Variants in LGR5 observed in about 807,000 individuals in gnomAD.
The protein encoded by LGR5 is leucine-rich repeat-containing G protein-coupled receptor 5.
In LGR5, 54 loss-of-function variants were observed where a neutral mutation model predicts 76.7. The ratio of observed to expected loss-of-function variants is 0.70; its 90% CI spans 0.57 to 0.88. The LOEUF (loss-of-function observed/expected upper bound fraction) is 0.88. Ranked by LOEUF, LGR5 falls within the 40% of genes least tolerant of loss-of-function variation. LGR5 has a pLI of 0.00. For missense variants in LGR5, 1,078 were observed against 1,073.3 expected (o/e 1.00, Z -0.06); for synonymous variants, 406 against 421.9 (o/e 0.96, Z 0.46).
chr12:71,484,489 TA>T (rs1186284765), intron 1 of LGR5, among the ~76,000 whole-genome samples: 1 of 152,222 alleles, frequency 6.6e-6, no homozygotes, highest in Non-Finnish European at 1.5e-5. Context: ...GCTATGGATT[TA>T]AAACCGAAAC....
rs1879138106 is a variant in LGR5 at position 71,582,553 on chromosome 12, C to A, written c.1636+14C>A. 3.1e-6 allele frequency: 5 copies of A among 1,593,584 alleles called. No individual in the cohort carries two copies. Among genetic ancestry groups the A allele is most frequent in the African/African-American group, 1.3e-5 (1 of 74,664 alleles). On this transcript the variant is annotated intron_variant, in intron 17 of 17. Coordinates refer to ENST00000266674, the MANE Select transcript of LGR5 (RefSeq NM_003667.4). ...CACCTTCCCCAGGTGAGAAAGGCAT[C>A]AAAAATTCCTCAACGGCAGTATCCA...
Position 71,482,055 on chromosome 12 carries a change from T to TG in LGR5, c.213-22555dup, listed in dbSNP as rs1284490110. The stretch of plus-strand genomic sequence containing the variant: ...AGAGATTTATGGTATAAAAGGAAAG[T>TG]GGGGAGGGAAGGTACTTCAGATTCC... On this transcript the variant is annotated intron_variant, in intron 1 of 17. Transcript: ENST00000266674. Among the ~76,000 whole-genome samples, 5 of 152,136 alleles carry TG rather than the reference T, an allele frequency of 3.3e-5. No individual in the cohort carries two copies. In the South Asian group the frequency reaches 8.3e-4, roughly 25 times the overall value.
At chr12:71,561,433 G>A (rs1394609474) in intron 7 of LGR5, among the ~76,000 whole-genome samples, 1 of 152,200 alleles carries the variant, frequency 6.6e-6, no homozygotes, top group Non-Finnish European at 1.5e-5. Flanking sequence ...GTCAGTAGGA[G>A]TGATCATAAT....
chr12:71,548,042 C>A (rs2137398385), intron 4 of LGR5, among the ~76,000 whole-genome samples: 1 of 152,270 alleles, frequency 6.6e-6, no homozygotes, highest in African/African-American at 2.4e-5. Flanking sequence ...TTTCAGATGG[C>A]ATTTCAAGAT....
At chr12:71,439,700 G>C (rs1037847115), upstream of LGR5, 36 of 212,358 alleles carry the variant, frequency 1.7e-4, no homozygotes, top group Middle Eastern at 1.7e-3. Context: ...AAGTGGGGCC[G>C]GGCGGGGGGT....
chr12:71,528,550 G>C (rs534737322), intron 3 of LGR5, among the ~76,000 whole-genome samples: 3 of 152,118 alleles, frequency 2.0e-5, no homozygotes, highest in Non-Finnish European at 4.4e-5. Flanking sequence ...TATAGCCATG[G>C]AAATGTGCAA....
intron 2 of LGR5, among the ~76,000 whole-genome samples, chr12:71,510,917 C>T (rs1207792819): frequency 3.9e-5 from 6 of 151,944 alleles, no homozygotes; most frequent in African/African-American, 1.5e-4. Context: ...CAAAAAAAAT[C>T]AGTATGGCTG....
At chr12:71,530,604 G>A (rs904224194) in intron 3 of LGR5, among the ~76,000 whole-genome samples, 4 of 151,986 alleles carry the variant, frequency 2.6e-5, no homozygotes, top group Non-Finnish European at 1.5e-5. Flanking sequence ...GTAAATATTG[G>A]CCCTAATAAA....
At chr12:71,570,088 G>T (rs886382625) in intron 11 of LGR5, among the ~76,000 whole-genome samples, 1 of 152,110 alleles carries the variant, frequency 6.6e-6, no homozygotes, top group Non-Finnish European at 1.5e-5. Flanking sequence ...GTTCTCACTT[G>T]CAAGTGGGAG....
intron 2 of LGR5, among the ~76,000 whole-genome samples, chr12:71,514,440 C>G (rs1409729645): frequency 6.6e-6 from 1 of 151,674 alleles, no homozygotes; most frequent in Admixed American, 6.6e-5. Flanking sequence ...TGGTGGCGGG[C>G]GCCTGTAGTC....
chr12:71,566,833 T>C lies in LGR5; in HGVS notation c.999-8T>C. The C allele has an allele frequency of 6.2e-7, 1 of 1,613,002 alleles. No homozygotes were observed. The highest frequency in any genetic ancestry group is 8.5e-7 in the Non-Finnish European group (1 of 1,178,994). The stretch of plus-strand genomic sequence containing the variant: ...TGAAAGAATTATGTCTGGTTTGTGT[T>C]TTAACAGGACTTTAACTGGAGCACA... On this transcript the variant is annotated splice_region_variant and splice_polypyrimidine_tract_variant and intron_variant, in intron 10 of 17. Coordinates refer to ENST00000266674, the MANE Select transcript of LGR5 (RefSeq NM_003667.4).
intron 3 of LGR5, among the ~76,000 whole-genome samples, chr12:71,528,470 A>G (rs764932353): frequency 6.6e-6 from 1 of 152,168 alleles, no homozygotes; most frequent in African/African-American, 2.4e-5. Flanking sequence ...CAAAAAATAT[A>G]TAAATAAAAT....
intron 2 of LGR5, among the ~76,000 whole-genome samples, chr12:71,513,638 C>T: frequency 6.6e-6 from 1 of 151,506 alleles, no homozygotes; most frequent in South Asian, 2.1e-4. Flanking sequence ...AGCATCATGC[C>T]CATAAAGTAC....
At chr12:71,552,999 A>G in intron 4 of LGR5, 74 bp from the exon 5 acceptor site, 1 of 1,356,996 alleles carries the variant, frequency 7.4e-7, no homozygotes, top group Non-Finnish European at 1.0e-6. Context: ...ATGCATGGGG[A>G]GGGTTTTCCT....
Position 71,504,609 on chromosome 12 carries a change from C to G in LGR5, c.213-5C>G, listed in dbSNP as rs370969422. On this transcript the variant is annotated splice_region_variant and splice_polypyrimidine_tract_variant and intron_variant, in intron 1 of 17. Coordinates refer to ENST00000266674, the MANE Select transcript of LGR5 (RefSeq NM_003667.4). ...TCCTCACACGCTGTCTGTTTTCCCC[C>G]CCAGAGACCTCAGTATGAACAACAT... 1.6e-5 allele frequency: 26 copies of G among 1,613,740 alleles called. No homozygotes were observed. The highest frequency in any genetic ancestry group is 2.2e-5 in the East Asian group (1 of 44,886).
At chr12:71,458,998 A>C (rs1305881977) in intron 1 of LGR5, among the ~76,000 whole-genome samples, 3 of 152,062 alleles carry the variant, frequency 2.0e-5, no homozygotes, top group Non-Finnish European at 4.4e-5. Flanking sequence ...AGGAAAGGAG[A>C]GGGAAGGAGT....
chr12:71,450,267 T>C (rs529328987), intron 1 of LGR5, among the ~76,000 whole-genome samples: 2 of 152,326 alleles, frequency 1.3e-5, no homozygotes, highest in South Asian at 2.1e-4. Context: ...AAATAGCCCG[T>C]TGTTTACACA....
intron 1 of LGR5, among the ~76,000 whole-genome samples, chr12:71,501,797 G>A (rs1874619045): frequency 6.6e-6 from 1 of 152,112 alleles, no homozygotes; most frequent in African/African-American, 2.4e-5. Flanking sequence ...TAAGTCCACA[G>A]CAAATTAGAA....
At chr12:71,548,764 T>C (rs1208194266) in intron 4 of LGR5, among the ~76,000 whole-genome samples, 1 of 151,952 alleles carries the variant, frequency 6.6e-6, no homozygotes, top group Non-Finnish European at 1.5e-5. Flanking sequence ...GGCTGGAACC[T>C]GGTACTTCCC....
Sources: gnomAD v4.1 joint callset for allele counts (sites outside exome capture counted in the v4.1 genomes callset) on GRCh38, gnomAD v4.1.1 for gene constraint, MANE v1.5 for transcripts, NCBI Gene and HGNC (gene_info 2026-07-23, HGNC 2026-07-21) for gene names.